EPHA6: variants seen among roughly 807,000 people sequenced by gnomAD.
The protein encoded by EPHA6 is ephrin type-A receptor 6.
A neutral mutation model predicts 112.0 loss-of-function variants in EPHA6; 50 were observed. The observed-to-expected ratio is 0.45, with a 90% CI of 0.36 to 0.56. The LOEUF is 0.56. Among genes scored for constraint, EPHA6 ranks in the 20% least tolerant of loss-of-function variants. The probability of loss-of-function intolerance (pLI) is 0.00; values close to 1 mark genes in which losing one functional copy is unlikely to be tolerated. For missense variants in EPHA6, 1,280 were observed against 1,417.4 expected, an observed-to-expected ratio of 0.90 and a Z score of 1.56; for synonymous variants, 529 against 490.7, an observed-to-expected ratio of 1.08 and a Z score of -1.03.
At chr3:97,296,871 C>A (rs557608455) in intron 5 of EPHA6, among the ~76,000 whole-genome samples, 2 of 152,244 alleles carry the variant, frequency 1.3e-5, no homozygotes, top group South Asian at 2.1e-4. Context: ...TGGGTCCAAG[C>A]AGCATCATCC....
At chr3:97,379,125 C>T (rs1291442036) in intron 5 of EPHA6, among the ~76,000 whole-genome samples, 1 of 152,060 alleles carries the variant, frequency 6.6e-6, no homozygotes, top group Non-Finnish European at 1.5e-5. Context: ...GGGGTGGCTT[C>T]CCCCATATTG....
intron 3 of EPHA6, chr3:97,010,196 G>A (rs942688208): frequency 1.7e-5 from 12 of 724,410 alleles, no homozygotes; most frequent in Non-Finnish European, 2.1e-5. Context: ...TATGAAATAT[G>A]GGTTCTGGTC....
At position 97,221,714 on chromosome 3, in the gene EPHA6, C is replaced by T. The variant is rs1220716534; in HGVS notation, c.1115-4550C>T. ...GTATTAGCATTCACCATTTATTTAC[C>T]ATCATTCCATTTTTACAGTGTTTAT... On this transcript the variant is annotated intron_variant, in intron 3 of 17. Coordinates refer to ENST00000389672, the MANE Select transcript of EPHA6 (RefSeq NM_001080448.3). Among the ~76,000 whole-genome samples, 4 of 151,940 alleles carry T rather than the reference C, an allele frequency of 2.6e-5. No homozygotes were observed. In the East Asian group the frequency reaches 7.7e-4, roughly 29 times the overall value.
At chr3:97,025,848 A>C (rs2044619540) in intron 3 of EPHA6, among the ~76,000 whole-genome samples, 1 of 152,044 alleles carries the variant, frequency 6.6e-6, no homozygotes, top group Non-Finnish European at 1.5e-5. Context: ...TCAGCCTCCC[A>C]AAGTGCTGGG....
intron 3 of EPHA6, among the ~76,000 whole-genome samples, chr3:97,049,626 G>A (rs981095777): frequency 6.6e-6 from 1 of 152,140 alleles, no homozygotes; most frequent in Non-Finnish European, 1.5e-5. Context: ...ATAAAGGAAT[G>A]AATACCTGAG....
intron 5 of EPHA6, among the ~76,000 whole-genome samples, chr3:97,369,563 C>G (rs1349554306): frequency 2.6e-5 from 4 of 152,134 alleles, no homozygotes; most frequent in Non-Finnish European, 5.9e-5. Context: ...GTGGGAGCCT[C>G]AGGGATGACT....
At chr3:97,537,957 A>T (rs1323691523) in intron 11 of EPHA6, among the ~76,000 whole-genome samples, 1 of 152,206 alleles carries the variant, frequency 6.6e-6, no homozygotes, top group East Asian at 1.9e-4. Context: ...AAATATTTAA[A>T]TGTAACTTTA....
At chr3:97,154,159 CTG>C (rs2076234976) in intron 3 of EPHA6, among the ~76,000 whole-genome samples, 1 of 144,560 alleles carries the variant, frequency 6.9e-6, no homozygotes, top group Non-Finnish European at 1.5e-5. Context: ...GAGCTAAACA[CTG>C]TCTCAAAAAA....
At chr3:96,954,648 T>C (rs2041682694) in intron 2 of EPHA6, among the ~76,000 whole-genome samples, 2 of 152,132 alleles carry the variant, frequency 1.3e-5, no homozygotes, top group South Asian at 4.1e-4. Flanking sequence ...ACTTTATATT[T>C]CTTTAGAGCA....
intron 14 of EPHA6, among the ~76,000 whole-genome samples, chr3:97,676,998 A>G (rs1488958608): frequency 6.6e-6 from 1 of 152,186 alleles, no homozygotes; most frequent in African/African-American, 2.4e-5. Flanking sequence ...TCTATTGAAC[A>G]CTTGGAAATG....
chr3:97,535,263 T>A (rs1972843), intron 11 of EPHA6, among the ~76,000 whole-genome samples: 20,609 of 151,936 alleles, frequency 0.14, 1,624 homozygotes, highest in Admixed American at 0.25. Flanking sequence ...GACCTCTACT[T>A]AGCCACATTT....
intron 15 of EPHA6, among the ~76,000 whole-genome samples, chr3:97,733,996 C>A (rs982539654): frequency 1.3e-5 from 2 of 151,922 alleles, no homozygotes; most frequent in Admixed American, 6.6e-5. Context: ...AAATTTCAAC[C>A]CTGCCACTTA....
At chr3:97,708,451 G>A (rs532691539) in intron 14 of EPHA6, among the ~76,000 whole-genome samples, 7 of 152,342 alleles carry the variant, frequency 4.6e-5, no homozygotes, top group African/African-American at 1.7e-4. Context: ...TGTACACAAA[G>A]AGATGGTCTG....
At chr3:96,972,423 A>T (rs1382514882) in intron 2 of EPHA6, among the ~76,000 whole-genome samples, 6 of 74,918 alleles carry the variant, frequency 8.0e-5, no homozygotes, top group African/African-American at 3.2e-4. Context: ...ACACACACAC[A>T]AACACACACA....
intron 5 of EPHA6, among the ~76,000 whole-genome samples, chr3:97,364,856 G>C (rs751211938): frequency 6.6e-6 from 1 of 152,086 alleles, no homozygotes; most frequent in Admixed American, 6.6e-5. Flanking sequence ...ACAAATTGAA[G>C]ACTTAAACTT....
intron 3 of EPHA6, among the ~76,000 whole-genome samples, chr3:97,187,733 G>GAAAGAA (rs1390813841): frequency 6.8e-6 from 1 of 147,642 alleles, no homozygotes; most frequent in Non-Finnish European, 1.5e-5. Context: ...AAGAAAGAAA[G>GAAAGAA]AAAGAAAGAA....
chr3:96,995,963 G>A (rs1327334528), intron 3 of EPHA6, among the ~76,000 whole-genome samples: 1 of 152,080 alleles, frequency 6.6e-6, no homozygotes, highest in East Asian at 1.9e-4. Context: ...TGTCTCTGTA[G>A]CATGCTAGGT....
chr3:97,112,267 G>T (rs1026109882), intron 3 of EPHA6, among the ~76,000 whole-genome samples: 5 of 152,126 alleles, frequency 3.3e-5, no homozygotes, highest in Non-Finnish European at 7.4e-5. Flanking sequence ...CGTTCAAAAG[G>T]TTAGCATGGG....
intron 13 of EPHA6, among the ~76,000 whole-genome samples, chr3:97,613,153 C>G (rs1453635315): frequency 6.6e-6 from 1 of 152,088 alleles, no homozygotes; most frequent in Non-Finnish European, 1.5e-5. Context: ...GTAATCATCT[C>G]TCTTCTTAGA....
Sources: gnomAD v4.1 joint callset for allele counts (sites outside exome capture counted in the v4.1 genomes callset) on GRCh38, gnomAD v4.1.1 for gene constraint, MANE v1.5 for transcripts, NCBI Gene and HGNC (gene_info 2026-07-23, HGNC 2026-07-21) for gene names.